The following CD33 variants were observed in gnomAD, a reference collection of about 807,000 sequenced individuals.
CD33 encodes the protein myeloid cell surface antigen CD33.
CD33 carries 25 observed loss-of-function variants against 31.4 expected under a neutral mutation model. The observed-to-expected ratio is 0.80, with a 90% CI of 0.58 to 1.11. The LOEUF (loss-of-function observed/expected upper bound fraction) is 1.11. Ranked by LOEUF, CD33 falls within the 50% of genes most tolerant of loss-of-function variation. The pLI is 0.00. For missense variants in CD33, 407 were observed against 448.1 expected (o/e 0.91, Z 0.83); for synonymous variants, 176 against 180.6 (o/e 0.97, Z 0.20).
At chr19:51,235,093 A>G (rs1981680952) in intron 4 of CD33, 64 bp from the exon 5 acceptor site, 1 of 1,335,818 alleles carries the variant, frequency 7.5e-7, no homozygotes, top group African/African-American at 1.4e-5. Context: ...TACATGCTGG[A>G]GAGGAGGATA....
intron 6 of CD33, chr19:51,237,906 G>A (rs1323174574): frequency 1.3e-5 from 2 of 152,230 alleles, no homozygotes; most frequent in African/African-American, 4.8e-5. Context: ...CTCAGACTTA[G>A]TCCCAAGTAA....
At chr19:51,211,697 A>C in the CD33 span, 1 of 897,166 alleles carries the variant, frequency 1.1e-6, no homozygotes, top group Non-Finnish European at 1.7e-6. Flanking sequence ...GAAGCCTGTC[A>C]GACTCAGGGG....
chr19:51,233,247 T>C (rs865916291), intron 4 of CD33, among the ~76,000 whole-genome samples: 7 of 152,328 alleles, frequency 4.6e-5, no homozygotes, highest in African/African-American at 1.7e-4. Flanking sequence ...GTATCAACTC[T>C]TTGTTGGCTC....
chr19:51,237,188 T>C (rs1474233784), intron 6 of CD33: 2 of 152,158 alleles, frequency 1.3e-5, no homozygotes, highest in Non-Finnish European at 2.9e-5. Flanking sequence ...TAACTCTGAC[T>C]AAAGTGAACA....
intron 4 of CD33, among the ~76,000 whole-genome samples, chr19:51,231,601 A>ATTTTTTT (rs35977870): frequency 2.2e-5 from 3 of 133,930 alleles, no homozygotes; most frequent in Non-Finnish European, 4.7e-5. Context: ...TGGTTGGCTG[A>ATTTTTTT]TGTTTTTTTT....
chr19:51,237,027 C>T (rs995716927), intron 6 of CD33: 6 of 152,276 alleles, frequency 3.9e-5, no homozygotes, highest in Non-Finnish European at 7.3e-5. Flanking sequence ...GTGCTATGCT[C>T]CCCCAACATT....
intron 4 of CD33, among the ~76,000 whole-genome samples, chr19:51,228,607 T>C (rs1414167602): frequency 6.6e-6 from 1 of 152,276 alleles, no homozygotes; most frequent in African/African-American, 2.4e-5. Context: ...TGATTTTGCA[T>C]CCTGCAAATT....
At chr19:51,228,866 C>T (rs185355328) in intron 4 of CD33, among the ~76,000 whole-genome samples, 7 of 152,284 alleles carry the variant, frequency 4.6e-5, no homozygotes, top group Non-Finnish European at 8.8e-5. Context: ...ATTTGACTTC[C>T]GCCTTTCCAG....
chr19:51,222,472 T>C (rs1424335617), upstream of CD33, among the ~76,000 whole-genome samples: 3 of 152,242 alleles, frequency 2.0e-5, 1 homozygote, highest in South Asian at 6.2e-4. Context: ...TGGAAAATCC[T>C]TGTCTATCAA....
At chr19:51,213,846 T>TATTTAAAAGATGTATAGCCTAATAG in the CD33 span, among the ~76,000 whole-genome samples, 1 of 145,248 alleles carries the variant, frequency 6.9e-6, no homozygotes, top group African/African-American at 2.7e-5. Context: ...TCATTTTTCT[T>TATTTAAAAGATGTATAGCCTAATAG]TTTCTTTTTT....
chr19:51,211,763 C>T, the CD33 span: 3 of 781,442 alleles, frequency 3.8e-6, no homozygotes, highest in South Asian at 3.2e-5. Flanking sequence ...TCACCCCTTC[C>T]TGATCCTGCA....
At chr19:51,222,736 T>A (rs1312942812), upstream of CD33, among the ~76,000 whole-genome samples, 1 of 152,208 alleles carries the variant, frequency 6.6e-6, no homozygotes, top group Non-Finnish European at 1.5e-5. Flanking sequence ...AAATGCTGTA[T>A]ATCTGCAGTG....
chr19:51,222,882 T>G (rs188262673), upstream of CD33, among the ~76,000 whole-genome samples: 73 of 152,328 alleles, frequency 4.8e-4, no homozygotes, highest in Admixed American at 3.8e-3. Flanking sequence ...TATTCATATT[T>G]GATCTTCTGG....
chr19:51,238,074 C>T (rs1981916345), intron 6 of CD33: 1 of 152,148 alleles, frequency 6.6e-6, no homozygotes, highest in African/African-American at 2.4e-5. Context: ...TAGGTGGGTC[C>T]ACAGATATCA....
At chr19:51,236,016 G>A in intron 6 of CD33, 1 of 578,632 alleles carries the variant, frequency 1.7e-6, no homozygotes, top group Non-Finnish European at 3.1e-6. Flanking sequence ...AAATTAGCCA[G>A]ATGTGGTGGC....
chr19:51,227,130 CTT>C (rs1471048286), intron 4 of CD33, among the ~76,000 whole-genome samples: 1 of 152,026 alleles, frequency 6.6e-6, no homozygotes, highest in Non-Finnish European at 1.5e-5. Context: ...TTGTTGGACA[CTT>C]AGGTTTATTT....
intron 4 of CD33, among the ~76,000 whole-genome samples, chr19:51,230,176 C>A (rs967972507): frequency 6.6e-6 from 1 of 152,296 alleles, no homozygotes; most frequent in Non-Finnish European, 1.5e-5. Context: ...GTATAGTTTG[C>A]ATGTTTCCCT....
chr19:51,211,472 G>C, the CD33 span: 5 of 1,565,384 alleles, frequency 3.2e-6, no homozygotes, highest in Non-Finnish European at 3.5e-6. Context: ...AAGAACAACT[G>C]CTCCCTGAGC....
chr19:51,235,400 G>A (rs1248608474), intron 5 of CD33, 147 bp downstream of exon 5: 37 of 1,213,524 alleles, frequency 3.0e-5, no homozygotes, highest in South Asian at 1.8e-4. Context: ...TGGGATAGGC[G>A]TGGGTCTATT....
Sources: gnomAD v4.1 joint callset for allele counts (sites outside exome capture counted in the v4.1 genomes callset) on GRCh38, gnomAD v4.1.1 for gene constraint, MANE v1.5 for transcripts, NCBI Gene and HGNC (gene_info 2026-07-23, HGNC 2026-07-21) for gene names.